ATP2C1: variants seen among roughly 807,000 people sequenced by gnomAD.
ATP2C1 encodes the protein calcium-transporting ATPase type 2C member 1.
ATP2C1 carries 31 observed loss-of-function variants against 120.5 expected under a neutral mutation model. That is an observed-to-expected ratio of 0.26 (90% CI 0.19 to 0.35). The LOEUF (loss-of-function observed/expected upper bound fraction) is 0.35. Ranked by LOEUF, ATP2C1 falls within the 10% of genes least tolerant of loss-of-function variation. The pLI is 1.00. For missense variants in ATP2C1, 731 were observed against 1,107.5 expected (o/e 0.66, Z 4.83); for synonymous variants, 351 against 358.7 (o/e 0.98, Z 0.24).
intron 26 of ATP2C1, among the ~76,000 whole-genome samples, chr3:131,009,641 G>A (rs923763056): frequency 3.9e-5 from 6 of 152,082 alleles, no homozygotes; most frequent in Admixed American, 2.0e-4. Context: ...TCTCGTCTTA[G>A]AATTTTTACA....
chr3:131,006,533 G>A (rs535599226), downstream of ATP2C1, among the ~76,000 whole-genome samples: 49 of 151,998 alleles, frequency 3.2e-4, no homozygotes, highest in Non-Finnish European at 5.0e-4. Flanking sequence ...AGTTGAAATC[G>A]TTTTTTCTCT....
intron 6 of ATP2C1, among the ~76,000 whole-genome samples, chr3:130,938,599 G>C (rs914016094): frequency 6.6e-6 from 1 of 152,322 alleles, no homozygotes; most frequent in East Asian, 1.9e-4. Context: ...AGACTATCAG[G>C]GTTCCGCTTT....
At position 130,940,681 on chromosome 3, in the gene ATP2C1, G is replaced by A. The variant is rs781100861; in HGVS notation, c.412G>A (p.Glu138Lys). 3 of 1,611,760 alleles carry A rather than the reference G, an allele frequency of 1.9e-6. No individual in the cohort carries two copies. The highest frequency in any genetic ancestry group is 2.7e-5 in the African/African-American group (2 of 74,830). The change falls in exon 7 of 28, where the codon GAA becomes AAA. Residue 138 changes from glutamate to lysine, a missense_variant. By Grantham distance (56) the Glu-to-Lys change is moderately conservative. This residue lies in a region of ATP2C1 where 571 missense variants were observed against 845.9 expected (regional missense o/e 0.67). Coordinates refer to ENST00000510168, the MANE Select transcript of ATP2C1 (RefSeq NM_001378687.1). Reference protein sequence around the residue: ...LEELSKLVPPECHCVREGKLE... With the variant: ...LEELSKLVPPKCHCVREGKLE... ...AGAATTGAGTAAACTTGTGCCACCAGAATGCCATTGGTATGATCCTTTTTT... is the reference window on the plus strand; with the variant it reads ...AGAATTGAGTAAACTTGTGCCACCAAAATGCCATTGGTATGATCCTTTTTT...
At chr3:130,967,909 C>A (rs2061125603) in intron 16 of ATP2C1, among the ~76,000 whole-genome samples, 1 of 152,144 alleles carries the variant, frequency 6.6e-6, no homozygotes, top group Non-Finnish European at 1.5e-5. Flanking sequence ...GAAGAAGTCT[C>A]AGTTAACTTT....
intron 2 of ATP2C1, chr3:130,919,135 G>C (rs1245395061): frequency 3.1e-6 from 1 of 324,474 alleles, no homozygotes; most frequent in African/African-American, 2.3e-5. Context: ...TTGGAGGCAG[G>C]AGCACGCATC....
In ATP2C1 at chr3:130,956,090, T is replaced by C. The variant is rs1416757631; in HGVS notation, c.757-14T>C. The C allele has an allele frequency of 6.3e-7, 1 of 1,585,648 alleles. No individual in the cohort carries two copies. The highest frequency in any genetic ancestry group is 2.2e-5 in the East Asian group (1 of 44,646). On this transcript the variant is annotated splice_polypyrimidine_tract_variant and intron_variant, in intron 10 of 27. Coordinates refer to ENST00000510168, the MANE Select transcript of ATP2C1 (RefSeq NM_001378687.1). The stretch of plus-strand genomic sequence containing the variant: ...ATAGCTAATTGTGGTGACACTCTTC[T>C]TCAATTTATCAAGGCACCAAAAACC...
chr3:131,002,561 A>C lies in ATP2C1; in HGVS notation c.*1211A>C, dbSNP rs1167480735. The C allele has an allele frequency of 6.1e-6, 6 of 985,282 alleles. No individual in the cohort carries two copies. In the African/African-American group the frequency reaches 1.0e-4, roughly 17 times the overall value. 61.0% of individuals were successfully genotyped at this position (985,282 alleles called of 1,614,324 possible). On this transcript the variant is annotated 3_prime_UTR_variant, in exon 28 of 28. Transcript: ENST00000510168. ...TTTGTGTGTAATGCCATCAGTTTTTATGAAAGCTTGATGAGGTATAGGTCA... is the reference window on the plus strand; with the variant it reads ...TTTGTGTGTAATGCCATCAGTTTTTCTGAAAGCTTGATGAGGTATAGGTCA...
chr3:130,980,714 C>G, intron 20 of ATP2C1, 35 bp downstream of exon 20: 1 of 1,458,998 alleles, frequency 6.9e-7, no homozygotes, highest in Non-Finnish European at 9.6e-7. Flanking sequence ...GACTGAAAGG[C>G]CTTATTCTAA....
chr3:130,906,339 C>T (rs2058118380), intron 2 of ATP2C1, among the ~76,000 whole-genome samples: 2 of 152,010 alleles, frequency 1.3e-5, no homozygotes, highest in Admixed American at 1.3e-4. Context: ...AATATGTGAC[C>T]TTTTATGTCT....
At chr3:130,993,662 A>G (rs774593332) in intron 21 of ATP2C1, among the ~76,000 whole-genome samples, 2 of 152,194 alleles carry the variant, frequency 1.3e-5, no homozygotes, top group Non-Finnish European at 2.9e-5. Flanking sequence ...GGGAGACACA[A>G]TTGCCCCTGG....
intron 2 of ATP2C1, chr3:130,914,378 A>G (rs1576688096): frequency 6.6e-6 from 1 of 152,166 alleles, no homozygotes; most frequent in Non-Finnish European, 1.5e-5. Context: ...GAAGGGAGAA[A>G]GAGTAGAAAG....
chr3:130,936,452 C>G (rs1427851278), intron 5 of ATP2C1, among the ~76,000 whole-genome samples: 1 of 152,182 alleles, frequency 6.6e-6, no homozygotes, highest in Non-Finnish European at 1.5e-5. Flanking sequence ...CTTTAAGTAA[C>G]TAGCACTTGA....
chr3:130,932,728 A>G (rs910635248), intron 4 of ATP2C1, among the ~76,000 whole-genome samples: 11 of 152,180 alleles, frequency 7.2e-5, no homozygotes, highest in South Asian at 2.1e-4. Context: ...ACAGGTTACT[A>G]TGATTAGTTT....
At position 130,964,048 on chromosome 3, in the gene ATP2C1, T is replaced by C; in HGVS notation, c.977T>C (p.Val326Ala). The C allele has an allele frequency of 3.7e-6, 6 of 1,612,720 alleles. No individual in the cohort carries two copies. Among genetic ancestry groups the C allele is most frequent in the Non-Finnish European group, 5.1e-6 (6 of 1,178,970 alleles). Residue 326 changes from valine (V) to alanine (A), a missense_variant, in exon 13 of 28, where the codon GTG (valine) becomes GCG (alanine). Physicochemically the swap from Val to Ala is moderately conservative, Grantham distance 64. Transcript: ENST00000510168. ...VTLALGVMRM[V>A]KKRAIVKKLP... The stretch of plus-strand genomic sequence containing the variant: ...CTAGCTCTTGGTGTTATGAGAATGG[T>C]GAAGAAAAGGGCCATTGTGAAAAAG...
chr3:130,874,175 C>G (rs572729761), intron 1 of ATP2C1, among the ~76,000 whole-genome samples: 9 of 150,536 alleles, frequency 6.0e-5, no homozygotes, highest in African/African-American at 2.2e-4. Flanking sequence ...GGGCATGCAA[C>G]TATATAAGTA....
At chr3:130,952,355 A>T (rs1171035436) in intron 8 of ATP2C1, among the ~76,000 whole-genome samples, 1 of 152,200 alleles carries the variant, frequency 6.6e-6, no homozygotes, top group South Asian at 2.1e-4. Flanking sequence ...GTTGTTGATC[A>T]AATTAAAACA....
chr3:130,959,684 G>T (rs2060736635), intron 12 of ATP2C1: 1 of 157,716 alleles, frequency 6.3e-6, no homozygotes, highest in South Asian at 1.9e-4. Context: ...AGAGGAAAAC[G>T]AAACATTGAA....
intron 17 of ATP2C1, 91 bp downstream of exon 17, chr3:130,969,487 C>A: frequency 1.1e-6 from 1 of 930,602 alleles, no homozygotes; most frequent in Non-Finnish European, 1.7e-6. Context: ...AGTCATTGTA[C>A]ATAATAAAGA....
At position 130,956,191 on chromosome 3, in the gene ATP2C1, G is replaced by A. The variant is rs533252190; in HGVS notation, c.832+12G>A. The A allele has an allele frequency of 2.6e-6, 4 of 1,517,858 alleles. No homozygotes were observed. Among genetic ancestry groups the A allele is most frequent in the South Asian group, 2.2e-5 (2 of 88,982 alleles). 94.0% of individuals were successfully genotyped at this position (1,517,858 alleles called of 1,614,324 possible). On this transcript the variant is annotated intron_variant, in intron 11 of 27. Transcript: ENST00000510168. ...CTTTGGTATAATAGGTAAGAGAAGA[G>A]TGAGTATGTATATATTTTTATTTGA...
Sources: gnomAD v4.1 joint callset for allele counts (sites outside exome capture counted in the v4.1 genomes callset) on GRCh38, gnomAD v4.1.1 for gene constraint, gnomAD v4.1.1 regional missense constraint, MANE v1.5 for transcripts, NCBI Gene and HGNC (gene_info 2026-07-23, HGNC 2026-07-21) for gene names.